DAB1: variants seen among roughly 807,000 people sequenced by gnomAD.
The protein encoded by DAB1 is DAB adaptor protein 1, also known as disabled homolog 1.
In DAB1, 15 loss-of-function variants were observed where a neutral mutation model predicts 64.6. The observed-to-expected ratio is 0.23, with a 90% CI of 0.16 to 0.36. The LOEUF is 0.36. Ranked by LOEUF, DAB1 falls within the 10% of genes least tolerant of loss-of-function variation. The pLI is 1.00. For missense variants in DAB1, 596 were observed against 706.7 expected, an observed-to-expected ratio of 0.84 and a Z score of 1.78; for synonymous variants, 235 against 251.9, an observed-to-expected ratio of 0.93 and a Z score of 0.64.
chr1:57,547,602 G>C (rs1572943), intron 7 of DAB1, among the ~76,000 whole-genome samples: 99,445 of 152,060 alleles, frequency 0.65, 35,559 homozygotes, highest in Non-Finnish European at 0.79. Flanking sequence ...CAGAGACAGG[G>C]AGTTGACTGA....
intron 2 of DAB1, among the ~76,000 whole-genome samples, chr1:57,186,105 C>T (rs938805066): frequency 1.3e-5 from 2 of 152,090 alleles, no homozygotes; most frequent in African/African-American, 4.8e-5. Context: ...GCAGGTTGGG[C>T]CCAGGTAATG....
intron 1 of DAB1, among the ~76,000 whole-genome samples, chr1:58,537,267 G>A (rs1303133259): frequency 6.6e-6 from 1 of 152,074 alleles, no homozygotes; most frequent in East Asian, 1.9e-4. Context: ...AAATAATTAT[G>A]TAAGAGGTTA....
chr1:58,379,905 G>C (rs1242698060), intron 3 of DAB1, among the ~76,000 whole-genome samples: 1 of 152,104 alleles, frequency 6.6e-6, no homozygotes, highest in Non-Finnish European at 1.5e-5. Flanking sequence ...TAAGCTCAAG[G>C]CCACCCAGCT....
chr1:58,330,670 G>A (rs907222265), intron 4 of DAB1, among the ~76,000 whole-genome samples: 1 of 152,020 alleles, frequency 6.6e-6, no homozygotes, highest in African/African-American at 2.4e-5. Flanking sequence ...AAAGTCCTAG[G>A]GCCTTTAAGA....
Position 57,066,947 on chromosome 1 carries a change from G to A in DAB1, c.663+2413C>T, listed in dbSNP as rs548499258. ...AATAAAAGCTGAGACCACTGGCTGG[G>A]CCAAGCTGAAGTACTAACAAACACT... On this transcript the variant is annotated intron_variant, in intron 8 of 14. Coordinates refer to ENST00000371236, the MANE Select transcript of DAB1 (RefSeq NM_001365792.1). Among the ~76,000 whole-genome samples, 4 of 152,200 alleles carry A rather than the reference G, an allele frequency of 2.6e-5. No homozygotes were observed. In the East Asian group the frequency reaches 5.8e-4, roughly 22 times the overall value.
At chr1:58,227,082 A>G (rs1412313656) in intron 4 of DAB1, among the ~76,000 whole-genome samples, 1 of 152,232 alleles carries the variant, frequency 6.6e-6, no homozygotes, top group Admixed American at 6.5e-5. Context: ...ACTGCCCAAG[A>G]CAGTAGAGCT....
intron 4 of DAB1, among the ~76,000 whole-genome samples, chr1:58,227,404 A>C (rs1013552273): frequency 6.6e-6 from 1 of 152,200 alleles, no homozygotes; most frequent in South Asian, 2.1e-4. Flanking sequence ...GCAGAGGAAT[A>C]GCATATTTAA....
intron 4 of DAB1, among the ~76,000 whole-genome samples, chr1:58,321,910 G>T (rs1407310464): frequency 6.6e-6 from 1 of 152,332 alleles, no homozygotes. Context: ...AGAGAGCAGT[G>T]GTTCTCCCAG....
intron 7 of DAB1, among the ~76,000 whole-genome samples, chr1:57,478,070 A>C (rs2101228054): frequency 7.3e-6 from 1 of 136,308 alleles, no homozygotes; most frequent in Non-Finnish European, 1.6e-5. Flanking sequence ...ACCCCACAAC[A>C]GGCCCGGGTG....
At chr1:57,557,594 T>C (rs1257530012) in intron 7 of DAB1, among the ~76,000 whole-genome samples, 1 of 151,986 alleles carries the variant, frequency 6.6e-6, no homozygotes, top group African/African-American at 2.4e-5. Context: ...GGTTTTGGGG[T>C]TTCTGGAGTT....
At chr1:57,051,341 C>G (rs530445696) in intron 9 of DAB1, among the ~76,000 whole-genome samples, 1 of 152,126 alleles carries the variant, frequency 6.6e-6, no homozygotes, top group Non-Finnish European at 1.5e-5. Context: ...AACGTTCAGA[C>G]AAGATTTAAT....
At chr1:58,135,258 T>C (rs1229924163) in intron 5 of DAB1, among the ~76,000 whole-genome samples, 4 of 152,224 alleles carry the variant, frequency 2.6e-5, no homozygotes, top group Admixed American at 2.6e-4. Context: ...TTTATCAAGG[T>C]GCATTCCAGG....
intron 6 of DAB1, among the ~76,000 whole-genome samples, chr1:57,686,153 A>T (rs1167286005): frequency 6.6e-6 from 1 of 152,162 alleles, no homozygotes; most frequent in African/African-American, 2.4e-5. Context: ...TTGCTAGAGC[A>T]CTAGCTAGAT....
At chr1:57,508,184 C>T (rs1231054838) in intron 7 of DAB1, among the ~76,000 whole-genome samples, 9 of 152,172 alleles carry the variant, frequency 5.9e-5, no homozygotes, top group African/African-American at 2.2e-4. Flanking sequence ...CCGAACATTC[C>T]AACCTTTGTG....
chr1:57,912,486 A>G (rs1292446082), intron 5 of DAB1, among the ~76,000 whole-genome samples: 1 of 152,226 alleles, frequency 6.6e-6, no homozygotes, highest in Non-Finnish European at 1.5e-5. Flanking sequence ...AGCCAATATC[A>G]TACTGAATGG....
At chr1:58,252,421 C>A (rs759676231) in intron 4 of DAB1, among the ~76,000 whole-genome samples, 22 of 152,116 alleles carry the variant, frequency 1.4e-4, no homozygotes, top group Non-Finnish European at 2.9e-4. Context: ...TAGAAGCATG[C>A]AGGACATCAT....
intron 6 of DAB1, among the ~76,000 whole-genome samples, chr1:57,676,880 C>T (rs1172604081): frequency 1.3e-5 from 2 of 152,144 alleles, no homozygotes; most frequent in Non-Finnish European, 2.9e-5. Context: ...TTCTGATTCT[C>T]TCAAGGGGAA....
intron 4 of DAB1, among the ~76,000 whole-genome samples, chr1:58,341,714 G>C (rs1643936336): frequency 6.6e-6 from 1 of 152,100 alleles, no homozygotes; most frequent in South Asian, 2.1e-4. Context: ...ACTAATGAAG[G>C]AGGCAACATG....
chr1:57,169,549 T>C (rs1452532276), intron 2 of DAB1, among the ~76,000 whole-genome samples: 2 of 152,214 alleles, frequency 1.3e-5, no homozygotes, highest in Non-Finnish European at 2.9e-5. Flanking sequence ...TTAGCCATGC[T>C]TTCATCAGGC....
Sources: gnomAD v4.1 joint callset for allele counts (sites outside exome capture counted in the v4.1 genomes callset) on GRCh38, gnomAD v4.1.1 for gene constraint, MANE v1.5 for transcripts, NCBI Gene and HGNC (gene_info 2026-07-23, HGNC 2026-07-21) for gene names.